The following ODAD1 variants were observed in gnomAD, a reference collection of about 807,000 sequenced individuals.
The protein encoded by ODAD1 is outer dynein arm docking complex subunit 1, also known as outer dynein arm-docking complex subunit 1.
A neutral mutation model predicts 67.2 loss-of-function variants in ODAD1; 49 were observed. That is an observed-to-expected ratio of 0.73 (90% CI 0.58 to 0.92). The LOEUF is 0.92. ODAD1 is among the 40% of genes least tolerant of loss of function. ODAD1 has a pLI of 0.00. For missense variants in ODAD1, 897 were observed against 953.7 expected, an observed-to-expected ratio of 0.94 and a Z score of 0.78; for synonymous variants, 345 against 393.7, an observed-to-expected ratio of 0.88 and a Z score of 1.46.
At chr19:48,311,881 G>T in intron 6 of ODAD1, 113 bp downstream of exon 6, 5 of 1,038,972 alleles carry the variant, frequency 4.8e-6, no homozygotes, top group South Asian at 4.7e-5. Flanking sequence ...AGAATCCTGT[G>T]TCCTGACACA....
rs1968532375 is a variant in ODAD1, at chr19:48,303,731, A to G, written c.907T>C (p.Cys303Arg). 6.2e-7 allele frequency: 1 copy of G among 1,613,904 alleles called. No individual in the cohort carries two copies. Among genetic ancestry groups the G allele is most frequent in the African/African-American group, 1.3e-5 (1 of 74,946 alleles). ...AGTTTATTCAGGGCGTCCTCGTAGC[A>G]AAGCACCAGCCTCTCCTGGGAGGTC... ...WKTSQERLVL[C>R]YEDALNKLSQ... Residue 303 changes from cysteine (C) to arginine (R), a missense_variant, in exon 10 of 16, where the codon TGC (cysteine) becomes CGC (arginine). Transcript: ENST00000674294.
intron 7 of ODAD1, among the ~76,000 whole-genome samples, 160 bp from the exon 8 acceptor site, chr19:48,306,483 G>A (rs1968611186): frequency 6.6e-6 from 1 of 152,186 alleles, no homozygotes; most frequent in African/African-American, 2.4e-5. Context: ...GGATTTTAAA[G>A]AGGTGTGAAG....
chr19:48,300,284 A>T (rs2147311971), intron 12 of ODAD1, among the ~76,000 whole-genome samples: 1 of 152,290 alleles, frequency 6.6e-6, no homozygotes, highest in Admixed American at 6.5e-5. Flanking sequence ...GCCTGGGCAA[A>T]AGAGCGAAAT....
At chr19:48,306,939 T>A (rs1968622525) in intron 7 of ODAD1, among the ~76,000 whole-genome samples, 1 of 151,836 alleles carries the variant, frequency 6.6e-6, no homozygotes, top group African/African-American at 2.4e-5. Context: ...TCCCAGCACT[T>A]TGGGAGGCCA....
At chr19:48,319,289 T>A (rs532469580) in intron 3 of ODAD1, 1 of 206,348 alleles carries the variant, frequency 4.8e-6, no homozygotes, top group South Asian at 1.3e-4. Context: ...TCCCAGAGGG[T>A]CTCTCTACAC....
chr19:48,308,240 T>C (rs1201041754), intron 7 of ODAD1, among the ~76,000 whole-genome samples: 3 of 151,618 alleles, frequency 2.0e-5, no homozygotes, highest in Non-Finnish European at 2.9e-5. Flanking sequence ...AATGGCACAA[T>C]CTTGGCTCAC....
rs1968777448 is a variant in ODAD1, at chr19:48,312,059, A to G, written c.418T>C (p.Phe140Leu). Residue 140 changes from phenylalanine (F) to leucine (L), a missense_variant, in exon 6 of 16, where the codon TTC (phenylalanine) becomes CTC (leucine). Transcript: ENST00000674294. Reference protein sequence around the residue: ...THSKNVRSPGFILDQKVKIRR... With the variant: ...THSKNVRSPGLILDQKVKIRR... Reference sequence around the variant, plus strand: ...ATCTTGACCTTCTGATCCAGGATGAATCCCGGGGACCTGACATTCTTACTG... The same window carrying G: ...ATCTTGACCTTCTGATCCAGGATGAGTCCCGGGGACCTGACATTCTTACTG... The G allele has an allele frequency of 1.9e-6, 3 of 1,550,390 alleles. No individual in the cohort carries two copies. The highest frequency in any genetic ancestry group is 1.7e-4 in the Middle Eastern group (1 of 5,976).
rs758487756 is a variant in ODAD1 at position 48,297,624 on chromosome 19, C to T, written c.1547G>A (p.Ser516Asn). 8 of 1,530,598 alleles carry T rather than the reference C, an allele frequency of 5.2e-6. No individual in the cohort carries two copies. The highest frequency in any genetic ancestry group is 2.3e-5 in the East Asian group (1 of 44,226). The allele number at this position is 1,530,598 out of a possible 1,614,324, so 94.8% of individuals were successfully genotyped here. A position where few individuals can be genotyped will look rare whatever the true frequency, so the allele number is the denominator to read the frequency against. ...GFEASDDYPM[S>N]REELLSQVEK... The stretch of plus-strand genomic sequence containing the variant: ...CACTTGGCTCAGCAGCTCCTCCCTG[C>T]TCATGGGGTAGTCATCGCTGGCCTC... Residue 516 changes from serine to asparagine, a missense_variant, in exon 15 of 16, where the codon AGC becomes AAC. Physicochemically the swap from Ser to Asn is conservative, Grantham distance 46. Coordinates refer to ENST00000674294, the MANE Select transcript of ODAD1 (RefSeq NM_001364171.2).
intron 12 of ODAD1, 107 bp from the exon 13 acceptor site, chr19:48,298,447 G>T: frequency 1.7e-6 from 2 of 1,212,098 alleles, no homozygotes; most frequent in Non-Finnish European, 2.3e-6. Flanking sequence ...CTGCGGTCAA[G>T]GCTCAGAGAC....
intron 5 of ODAD1, among the ~76,000 whole-genome samples, chr19:48,314,893 C>T (rs1463258079): frequency 6.6e-6 from 1 of 150,614 alleles, no homozygotes. Context: ...CTGCAATGAG[C>T]CGAGATTGCA....
chr19:48,307,110 G>C (rs1009884579), intron 7 of ODAD1, among the ~76,000 whole-genome samples: 4 of 151,992 alleles, frequency 2.6e-5, no homozygotes, highest in Non-Finnish European at 5.9e-5. Flanking sequence ...CTTGAATCCG[G>C]GAGGCGGAGG....
At chr19:48,319,941 A>G (rs1968993819) in intron 3 of ODAD1, 1 of 670,438 alleles carries the variant, frequency 1.5e-6, no homozygotes, top group Non-Finnish European at 1.9e-6. Context: ...GACTGCCCCC[A>G]CAACAAAGAA....
intron 12 of ODAD1, among the ~76,000 whole-genome samples, chr19:48,299,983 C>A (rs1046661882): frequency 2.0e-5 from 3 of 151,100 alleles, no homozygotes; most frequent in African/African-American, 7.3e-5. Flanking sequence ...CAAGACTAGC[C>A]TGGACAACAT....
intron 3 of ODAD1, chr19:48,319,991 A>G: frequency 9.9e-7 from 1 of 1,009,360 alleles, no homozygotes; most frequent in Non-Finnish European, 1.2e-6. Flanking sequence ...AGGTTGAGAA[A>G]GCCTACTCTA....
At position 48,298,333 on chromosome 19, in the gene ODAD1, C is replaced by T; in HGVS notation, c.1248G>A (p.Gln416=). ...GQLEKLKADI[Q]LLFTKAHCDS... ...CGCAATGGGCCTTGGTGAAGAGGAG[C>T]TGGATATCTGCGTCATGGAGGGCCG... is the stretch of plus-strand genomic sequence containing the variant. Residue 416 remains glutamine (Q), a synonymous_variant, in exon 13 of 16, where the codon CAG becomes CAA. Transcript: ENST00000674294. 2 of 1,614,010 alleles carry T rather than the reference C, an allele frequency of 1.2e-6. No individual in the cohort carries two copies. The highest frequency in any genetic ancestry group is 3.3e-4 in the Middle Eastern group (2 of 6,062).
At position 48,297,065 on chromosome 19, in the gene ODAD1, GGCCTCCGCTCGAATCAGACGCTGT is replaced by G. The variant is rs776327192; in HGVS notation, c.2011_2034del (p.Thr671_Gly678del). 2.5e-5 allele frequency: 41 copies of G among 1,612,978 alleles called. No homozygotes were observed. The highest frequency in any genetic ancestry group is 6.7e-5 in the Admixed American group (4 of 59,986). ...GAGACGTGGTCTCTGCTGGACCCGA[GGCCTCCGCTCGAATCAGACGCTGT>G]GCCTCCGCTCTCCACACCACCCTCT... On this transcript the variant is annotated inframe_deletion, in exon 16 of 16. Transcript: ENST00000674294.
Position 48,298,029 on chromosome 19 carries a change from C to T in ODAD1, c.1473G>A (p.Lys491=). ...TGTCAGGGGGCTGAAGTGGGGCCATCTTCTTCGGAAGGTCCTCCAGGCTCT... is the reference window on the plus strand; with the variant it reads ...TGTCAGGGGGCTGAAGTGGGGCCATTTTCTTCGGAAGGTCCTCCAGGCTCT... ...LGQSLEDLPK[K]MAPLQPPDTL... Residue 491 remains lysine, a synonymous_variant, in exon 14 of 16, where the codon AAG becomes AAA. Coordinates refer to ENST00000674294, the MANE Select transcript of ODAD1 (RefSeq NM_001364171.2). The T allele has an allele frequency of 6.2e-7, 1 of 1,613,480 alleles. No individual in the cohort carries two copies. Among genetic ancestry groups the T allele is most frequent in the Non-Finnish European group, 8.5e-7 (1 of 1,179,854 alleles).
intron 5 of ODAD1, among the ~76,000 whole-genome samples, chr19:48,312,574 A>G (rs1476849008): frequency 6.6e-6 from 1 of 150,496 alleles, no homozygotes; most frequent in Non-Finnish European, 1.5e-5. Context: ...GTACCACCAC[A>G]CCCAGCTAAT....
chr19:48,309,675 C>T (rs1007880444), intron 7 of ODAD1, among the ~76,000 whole-genome samples: 2 of 152,164 alleles, frequency 1.3e-5, no homozygotes, highest in Non-Finnish European at 2.9e-5. Context: ...AAAGTGACGC[C>T]GTAAATATCC....
Sources: gnomAD v4.1 joint callset for allele counts (sites outside exome capture counted in the v4.1 genomes callset) on GRCh38, gnomAD v4.1.1 for gene constraint, MANE v1.5 for transcripts, NCBI Gene and HGNC (gene_info 2026-07-23, HGNC 2026-07-21) for gene names.